Variants in SLC24A2 observed in about 807,000 individuals in gnomAD.
SLC24A2 encodes the protein sodium/potassium/calcium exchanger 2.
SLC24A2 carries 36 observed loss-of-function variants against 62.0 expected under a neutral mutation model. That is an observed-to-expected ratio of 0.58 (90% CI 0.44 to 0.77). The LOEUF (loss-of-function observed/expected upper bound fraction) is 0.77, where lower values mean the gene tolerates loss of function less well. Among genes scored for constraint, SLC24A2 ranks in the 30% least tolerant of loss-of-function variants. SLC24A2 has a pLI of 0.00. For synonymous variants in SLC24A2, 358 were observed against 294.0 expected (o/e 1.22, Z -2.23); for missense variants, 846 against 817.9 (o/e 1.03, Z -0.42).
chr9:19,682,279 ATGTT>A (rs1463706724), intron 2 of SLC24A2, among the ~76,000 whole-genome samples: 9 of 152,174 alleles, frequency 5.9e-5, no homozygotes, highest in African/African-American at 2.2e-4. Context: ...ATGACATTGA[ATGTT>A]TGTTTTGGTG....
chr9:20,025,864 G>C, the SLC24A2 span, among the ~76,000 whole-genome samples: 1 of 152,128 alleles, frequency 6.6e-6, no homozygotes, highest in South Asian at 2.1e-4. Flanking sequence ...GGAGTAGGGA[G>C]AGAGAAGAGA....
intron 2 of SLC24A2, among the ~76,000 whole-genome samples, chr9:19,645,739 T>C (rs1339601631): frequency 3.9e-5 from 6 of 152,288 alleles, no homozygotes; most frequent in African/African-American, 1.4e-4. Context: ...CTTCTTATAT[T>C]GATTCTGCAA....
At chr9:19,602,019 T>A (rs1322166027) in intron 4 of SLC24A2, among the ~76,000 whole-genome samples, 1 of 152,228 alleles carries the variant, frequency 6.6e-6, no homozygotes, top group Admixed American at 6.5e-5. Context: ...AGAGTGAACT[T>A]TGGTATCAAG....
At chr9:19,816,424 G>T in the SLC24A2 span, among the ~76,000 whole-genome samples, 368 of 152,262 alleles carry the variant, frequency 2.4e-3, 2 homozygotes, top group Middle Eastern at 3.4e-3. Flanking sequence ...AAAGGTGTTT[G>T]AGAAATGGGA....
intron 4 of SLC24A2, among the ~76,000 whole-genome samples, chr9:19,603,654 GACT>G (rs763911336): frequency 4.0e-5 from 6 of 149,160 alleles, no homozygotes; most frequent in Non-Finnish European, 9.1e-5. Context: ...GCTTTGCCTA[GACT>G]ACTGCAATGG....
intron 8 of SLC24A2, among the ~76,000 whole-genome samples, chr9:19,543,650 A>C (rs1834395923): frequency 1.3e-5 from 2 of 152,174 alleles, no homozygotes; most frequent in Admixed American, 1.3e-4. Flanking sequence ...CATTGGTTTC[A>C]AAGAACATCT....
chr9:19,877,654 A>G, the SLC24A2 span, among the ~76,000 whole-genome samples: 1 of 151,840 alleles, frequency 6.6e-6, no homozygotes, highest in African/African-American at 2.4e-5. Context: ...GTAGCCCCCA[A>G]GATAGAACTG....
At chr9:20,276,380 C>T in the SLC24A2 span, among the ~76,000 whole-genome samples, 1 of 152,232 alleles carries the variant, frequency 6.6e-6, no homozygotes, top group Admixed American at 6.5e-5. Context: ...TCCTTTGACT[C>T]CATGTCTCGC....
the SLC24A2 span, among the ~76,000 whole-genome samples, chr9:19,915,125 A>G: frequency 2.0e-5 from 3 of 152,014 alleles, no homozygotes; most frequent in Middle Eastern, 3.2e-3. Flanking sequence ...CTTGGCAACT[A>G]CTTTTGTCAC....
the SLC24A2 span, among the ~76,000 whole-genome samples, chr9:20,145,318 G>A: frequency 6.6e-6 from 1 of 151,914 alleles, no homozygotes; most frequent in Admixed American, 6.6e-5. Flanking sequence ...GGTTATAGTG[G>A]GGGATATAAC....
intron 2 of SLC24A2, among the ~76,000 whole-genome samples, chr9:19,719,171 C>T (rs973559206): frequency 6.6e-6 from 1 of 152,116 alleles, no homozygotes; most frequent in African/African-American, 2.4e-5. Flanking sequence ...GCTTGCTAGC[C>T]TGGTGCTCAT....
At chr9:20,124,978 GATCT>G in the SLC24A2 span, among the ~76,000 whole-genome samples, 1 of 152,146 alleles carries the variant, frequency 6.6e-6, no homozygotes, top group Non-Finnish European at 1.5e-5. Context: ...ACAAACAATA[GATCT>G]AGATTCAAAT....
the SLC24A2 span, among the ~76,000 whole-genome samples, chr9:19,902,024 T>C: frequency 6.6e-6 from 1 of 152,188 alleles, no homozygotes; most frequent in African/African-American, 2.4e-5. Context: ...CATAGTTCAT[T>C]CTTTAAGGGT....
At chr9:20,244,119 CCAAGCCTCCAA>C in the SLC24A2 span, among the ~76,000 whole-genome samples, 1 of 152,094 alleles carries the variant, frequency 6.6e-6, no homozygotes, top group Non-Finnish European at 1.5e-5. Context: ...TTGAGAGTCT[CCAAGCCTCCAA>C]GGAGCATCTC....
chr9:20,274,893 G>C, the SLC24A2 span, among the ~76,000 whole-genome samples: 2 of 152,070 alleles, frequency 1.3e-5, no homozygotes, highest in East Asian at 3.9e-4. Flanking sequence ...CAGTCACTGT[G>C]CCTCTCCCAG....
intron 2 of SLC24A2, among the ~76,000 whole-genome samples, chr9:19,732,269 A>G (rs1364405251): frequency 6.6e-6 from 1 of 152,140 alleles, no homozygotes; most frequent in Non-Finnish European, 1.5e-5. Flanking sequence ...CCTGGCTGGC[A>G]TTGAAGAGGC....
the SLC24A2 span, among the ~76,000 whole-genome samples, chr9:19,827,736 G>T: frequency 3.3e-5 from 5 of 152,108 alleles, no homozygotes; most frequent in South Asian, 1.0e-3. Context: ...ATATTTTCTA[G>T]TTCCTCACTC....
the SLC24A2 span, among the ~76,000 whole-genome samples, chr9:19,828,218 A>G: frequency 6.6e-6 from 1 of 152,202 alleles, no homozygotes; most frequent in Non-Finnish European, 1.5e-5. Context: ...AGTATTCAGT[A>G]GCACAACAGA....
At chr9:19,838,660 A>G in the SLC24A2 span, among the ~76,000 whole-genome samples, 1 of 151,822 alleles carries the variant, frequency 6.6e-6, no homozygotes, top group Non-Finnish European at 1.5e-5. Context: ...GAAAAAAAAA[A>G]GTGTTTTGTT....
Sources: gnomAD v4.1 joint callset for allele counts (sites outside exome capture counted in the v4.1 genomes callset) on GRCh38, gnomAD v4.1.1 for gene constraint, MANE v1.5 for transcripts, NCBI Gene and HGNC (gene_info 2026-07-23, HGNC 2026-07-21) for gene names.